The following USP45 variants were observed in gnomAD, a reference collection of about 807,000 sequenced individuals.
USP45 encodes the protein ubiquitin specific peptidase 45, also known as ubiquitin carboxyl-terminal hydrolase 45.
A neutral mutation model predicts 95.8 loss-of-function variants in USP45; 89 were observed. The ratio of observed to expected loss-of-function variants is 0.93; its 90% CI spans 0.78 to 1.11. USP45 has a LOEUF of 1.11. USP45 is among the 50% of genes least tolerant of loss of function. USP45 has a pLI of 0.00. For synonymous variants in USP45, 281 were observed against 316.2 expected (o/e 0.89, Z 1.18); for missense variants, 898 against 942.5 (o/e 0.95, Z 0.62).
chr6:99,511,435 G>A (rs1799766614), intron 1 of USP45, among the ~76,000 whole-genome samples: 1 of 151,974 alleles, frequency 6.6e-6, no homozygotes, highest in African/African-American at 2.4e-5. Context: ...TTACAGGCGT[G>A]AGCCACCGTG....
At chr6:99,474,878 GAATTTAACT>G (rs1790415576) in intron 9 of USP45, among the ~76,000 whole-genome samples, 1 of 152,120 alleles carries the variant, frequency 6.6e-6, no homozygotes, top group Non-Finnish European at 1.5e-5. Flanking sequence ...AGAAGAAGTT[GAATTTAACT>G]AATTTAACGT....
intron 17 of USP45, 64 bp from the exon 18 acceptor site, chr6:99,435,910 C>A: frequency 6.8e-7 from 1 of 1,469,238 alleles, no homozygotes; most frequent in South Asian, 1.4e-5. Context: ...CTCTAAATTA[C>A]AAACAATAAC....
chr6:99,468,223 A>G (rs1788463763), intron 10 of USP45: 1 of 471,356 alleles, frequency 2.1e-6, no homozygotes, highest in South Asian at 1.6e-5. Context: ...ATGATACAAT[A>G]TGATACATAT....
chr6:99,462,106 T>G, intron 13 of USP45: 1 of 985,290 alleles, frequency 1.0e-6, no homozygotes, highest in Non-Finnish European at 1.2e-6. Context: ...ACTTGCACTT[T>G]TTCCCATCAA....
chr6:99,459,192 T>G (rs542317165), intron 13 of USP45, among the ~76,000 whole-genome samples: 58 of 152,256 alleles, frequency 3.8e-4, no homozygotes, highest in African/African-American at 1.1e-3. Context: ...TGTGTACAAG[T>G]GTACTCAATG....
chr6:99,453,002 G>T (rs1443043670), intron 13 of USP45, among the ~76,000 whole-genome samples: 1 of 152,028 alleles, frequency 6.6e-6, no homozygotes, highest in Non-Finnish European at 1.5e-5. Context: ...ACAGGAAGGG[G>T]AAGATCACAC....
At position 99,488,821 on chromosome 6, in the gene USP45, C is replaced by G. The variant is rs1377682448; in HGVS notation, c.479-1G>C. ...AGTTTCATGATTCTAGAAAATGCAC[C>G]TACAAGTTAGAGAAAAAATAACTGA... is the stretch of plus-strand genomic sequence containing the variant. On this transcript the variant is annotated splice_acceptor_variant, in intron 5 of 17. Transcript: ENST00000500704. LOFTEE classifies it high-confidence loss of function. 26 of 1,561,920 alleles carry G rather than the reference C, an allele frequency of 1.7e-5. No individual in the cohort carries two copies. The highest frequency in any genetic ancestry group is 2.1e-5 in the Non-Finnish European group (24 of 1,159,258).
intron 13 of USP45, among the ~76,000 whole-genome samples, chr6:99,457,336 T>G (rs1187820181): frequency 2.0e-5 from 3 of 152,188 alleles, no homozygotes. Context: ...TTTTGCGGCT[T>G]GTGGGGCATC....
chr6:99,496,758 T>A (rs1014768610), intron 5 of USP45, among the ~76,000 whole-genome samples: 2 of 149,886 alleles, frequency 1.3e-5, no homozygotes, highest in South Asian at 2.1e-4. Flanking sequence ...TGGCCCACTT[T>A]AAAAAAAAAA....
chr6:99,438,656 CAG>C (rs1360722467), intron 16 of USP45, among the ~76,000 whole-genome samples: 3 of 152,112 alleles, frequency 2.0e-5, no homozygotes, highest in South Asian at 2.1e-4. Flanking sequence ...GGTGATATGA[CAG>C]AATTATTAAA....
chr6:99,450,888 A>G lies in USP45; in HGVS notation c.1309-4425T>C, dbSNP rs547828294. Among the ~76,000 whole-genome samples, 42 of 152,354 alleles carry G rather than the reference A, an allele frequency of 2.8e-4. No individual in the cohort carries two copies. In the South Asian group the frequency reaches 8.5e-3, roughly 31 times the overall value. ...TGCAAGGCTGGTTCAACATATGCAA[A>G]TCAATAAACGTAATCCATCATATAA... is the stretch of plus-strand genomic sequence containing the variant. On this transcript the variant is annotated intron_variant, in intron 13 of 17. Transcript: ENST00000500704.
chr6:99,474,351 C>G (rs1349746238), intron 9 of USP45, among the ~76,000 whole-genome samples: 1 of 152,142 alleles, frequency 6.6e-6, no homozygotes, highest in African/African-American at 2.4e-5. Context: ...GTGTGCACCA[C>G]CACGCCTGGC....
At chr6:99,455,508 C>T (rs1784849354) in intron 13 of USP45, among the ~76,000 whole-genome samples, 1 of 151,968 alleles carries the variant, frequency 6.6e-6, no homozygotes, top group South Asian at 2.1e-4. Flanking sequence ...ACCATAAGAT[C>T]CAGCAATCCC....
intron 2 of USP45, 145 bp downstream of exon 2, chr6:99,509,976 A>C: frequency 1.6e-6 from 1 of 635,110 alleles, no homozygotes; most frequent in Non-Finnish European, 2.8e-6. Flanking sequence ...ACGCATCCCA[A>C]GAATAGTGTA....
intron 13 of USP45, among the ~76,000 whole-genome samples, chr6:99,448,304 A>G (rs888584408): frequency 4.6e-5 from 7 of 152,200 alleles, no homozygotes; most frequent in Non-Finnish European, 7.3e-5. Flanking sequence ...AAAAGATTAG[A>G]CAAAGGGCTG....
upstream of USP45, among the ~76,000 whole-genome samples, chr6:99,516,310 AT>A (rs1423944039): frequency 6.6e-6 from 1 of 152,232 alleles, no homozygotes; most frequent in Non-Finnish European, 1.5e-5. Context: ...TTTTGTTTCA[AT>A]CATGGATATT....
chr6:99,488,772 T>C lies in USP45; in HGVS notation c.527A>G (p.Asp176Gly), dbSNP rs781008166. ...MKLCEEKCET[D>G]EIQKGGKCRN... ...GCATTTTCCTCCCTTCTGTATTTCA[T>C]CTGTTTCACATTTTTCTTCACAAAG... The change falls in exon 6 of 18, where the codon GAT becomes GGT. Residue 176 changes from aspartate (D) to glycine (G), a missense_variant. Asp to Gly is a moderately conservative substitution (Grantham distance 94). Transcript: ENST00000500704. 1.2e-6 allele frequency: 2 copies of C among 1,603,178 alleles called. No homozygotes were observed. Among genetic ancestry groups the C allele is most frequent in the Non-Finnish European group, 1.7e-6 (2 of 1,176,170 alleles).
intron 14 of USP45, 98 bp downstream of exon 14, chr6:99,445,699 G>A: frequency 4.3e-6 from 4 of 919,884 alleles, no homozygotes; most frequent in Non-Finnish European, 6.3e-6. Context: ...AGTAACACAA[G>A]TATAGGGACA....
At position 99,449,393 on chromosome 6, in the gene USP45, T is replaced by TA. The variant is rs530652542; in HGVS notation, c.1309-2931dup. Among the ~76,000 whole-genome samples the TA allele has an allele frequency of 1.9e-3, 291 of 152,222 alleles. 2 individuals carry two copies. The highest frequency in any genetic ancestry group is 6.7e-3 in the African/African-American group (278 of 41,530). ...TCTTAGTCTCTGATAAAACAGGCTTTAAAACAACAAAGATCAAAAGAGAAA... is the reference window on the plus strand; with the variant it reads ...TCTTAGTCTCTGATAAAACAGGCTTTAAAAACAACAAAGATCAAAAGAGAAA... On this transcript the variant is annotated intron_variant, in intron 13 of 17. Coordinates refer to ENST00000500704, the MANE Select transcript of USP45 (RefSeq NM_001346022.3).
Sources: gnomAD v4.1 joint callset for allele counts (sites outside exome capture counted in the v4.1 genomes callset) on GRCh38, gnomAD v4.1.1 for gene constraint, MANE v1.5 for transcripts, NCBI Gene and HGNC (gene_info 2026-07-23, HGNC 2026-07-21) for gene names.